Variants in UNC13C observed in about 807,000 individuals in gnomAD.
The protein encoded by UNC13C is protein unc-13 homolog C.
In UNC13C, 174 loss-of-function variants were observed where a neutral mutation model predicts 245.4. The ratio of observed to expected loss-of-function variants is 0.71; its 90% confidence interval spans 0.63 to 0.80. The LOEUF (loss-of-function observed/expected upper bound fraction) is 0.80. Among genes scored for constraint, UNC13C ranks in the 30% least tolerant of loss-of-function variants. UNC13C has a pLI of 0.00. For synonymous variants in UNC13C, 992 were observed against 895.1 expected (o/e 1.11, Z -1.93); for missense variants, 2,829 against 2,602.9 (o/e 1.09, Z -1.89).
intron 2 of UNC13C, among the ~76,000 whole-genome samples, chr15:54,088,201 CTTTTT>C (rs59075201): frequency 4.0e-4 from 42 of 103,922 alleles, no homozygotes; most frequent in Non-Finnish European, 7.4e-4. Context: ...CTTCCTTTTC[CTTTTT>C]TTTTTTTTTT....
At chr15:54,614,390 C>CTCTT (rs1022819318) in intron 30 of UNC13C, among the ~76,000 whole-genome samples, 7 of 151,870 alleles carry the variant, frequency 4.6e-5, no homozygotes, top group Admixed American at 1.3e-4. Context: ...GAATTTGAAT[C>CTCTT]TCTTTGAATC....
chr15:53,923,937 T>C, the UNC13C span, among the ~76,000 whole-genome samples: 2 of 152,240 alleles, frequency 1.3e-5, no homozygotes, highest in African/African-American at 4.8e-5. Flanking sequence ...CTGGGCGCGG[T>C]GGCTCGCGCC....
intron 17 of UNC13C, among the ~76,000 whole-genome samples, chr15:54,357,297 G>A (rs1427698835): frequency 1.3e-5 from 2 of 151,958 alleles, no homozygotes; most frequent in East Asian, 3.8e-4. Flanking sequence ...TAATTATGAA[G>A]TATAGAGCAG....
At chr15:54,017,843 G>A (rs1462430204) in intron 2 of UNC13C, among the ~76,000 whole-genome samples, 1 of 152,150 alleles carries the variant, frequency 6.6e-6, no homozygotes, top group Non-Finnish European at 1.5e-5. Flanking sequence ...ACCTGCATAT[G>A]AGGCCTGGCT....
intron 30 of UNC13C, among the ~76,000 whole-genome samples, chr15:54,619,184 G>A (rs965958484): frequency 5.3e-5 from 8 of 152,044 alleles, no homozygotes; most frequent in Non-Finnish European, 4.4e-5. Flanking sequence ...CCTTAAATGT[G>A]AGCCTTTCTC....
the UNC13C span, among the ~76,000 whole-genome samples, chr15:53,885,678 G>A: frequency 6.6e-6 from 1 of 152,140 alleles, no homozygotes; most frequent in African/African-American, 2.4e-5. Flanking sequence ...GTCCTTATAG[G>A]AGAATCGATC....
intron 2 of UNC13C, among the ~76,000 whole-genome samples, chr15:54,075,054 A>G (rs1456604604): frequency 2.0e-5 from 3 of 152,192 alleles, no homozygotes; most frequent in Non-Finnish European, 4.4e-5. Context: ...GTGCTCCAAC[A>G]TTTACTATGG....
At chr15:54,562,770 C>T (rs1393043814) in intron 29 of UNC13C, among the ~76,000 whole-genome samples, 1 of 152,038 alleles carries the variant, frequency 6.6e-6, no homozygotes, top group East Asian at 1.9e-4. Flanking sequence ...GAATAACATG[C>T]CTTGTAGACC....
At chr15:54,346,969 T>C (rs1298855064) in intron 17 of UNC13C, among the ~76,000 whole-genome samples, 3 of 152,226 alleles carry the variant, frequency 2.0e-5, no homozygotes, top group East Asian at 3.8e-4. Flanking sequence ...GAAAGTGTTT[T>C]AGTTTATACT....
the UNC13C span, among the ~76,000 whole-genome samples, chr15:53,929,409 A>C: frequency 6.6e-6 from 1 of 152,166 alleles, no homozygotes; most frequent in Admixed American, 6.5e-5. Context: ...ACTAAGAAAA[A>C]ATGATATCAC....
At chr15:54,209,998 C>T (rs1170363858) in intron 4 of UNC13C, among the ~76,000 whole-genome samples, 3 of 151,804 alleles carry the variant, frequency 2.0e-5, no homozygotes, top group African/African-American at 4.8e-5. Context: ...TCAATTTTCT[C>T]TAACTATATT....
At chr15:54,351,422 A>AAAGAACTACAGTATGTAAAAAATCTGTTT (rs1281475405) in intron 17 of UNC13C, among the ~76,000 whole-genome samples, 1 of 152,190 alleles carries the variant, frequency 6.6e-6, no homozygotes, top group Admixed American at 6.5e-5. Context: ...TAAACTGTGA[A>AAAGAACTACAGTATGTAAAAAATCTGTTT]AAGAACTACA....
chr15:53,985,526 G>A, intron 1 of UNC13C, among the ~76,000 whole-genome samples: 1 of 151,906 alleles, frequency 6.6e-6, no homozygotes, highest in East Asian at 1.9e-4. Flanking sequence ...GGAACAAGAA[G>A]AGAGATTAGA....
intron 19 of UNC13C, among the ~76,000 whole-genome samples, chr15:54,461,055 A>C (rs1004482682): frequency 1.3e-5 from 2 of 151,454 alleles, no homozygotes; most frequent in African/African-American, 4.8e-5. Context: ...TTGGTCTTCA[A>C]TCAGTATGTT....
the UNC13C span, among the ~76,000 whole-genome samples, chr15:53,959,037 A>G: frequency 6.6e-6 from 1 of 152,134 alleles, no homozygotes; most frequent in African/African-American, 2.4e-5. Flanking sequence ...TATAGGCGAG[A>G]ATGTGAAATA....
chr15:54,340,281 T>C (rs906019561), intron 17 of UNC13C, among the ~76,000 whole-genome samples: 6 of 152,222 alleles, frequency 3.9e-5, no homozygotes, highest in African/African-American at 1.4e-4. Flanking sequence ...AGAAGCTCTT[T>C]AGTTTAATTA....
chr15:54,037,865 A>G (rs1177320954), intron 2 of UNC13C, among the ~76,000 whole-genome samples: 1 of 150,858 alleles, frequency 6.6e-6, no homozygotes, highest in Non-Finnish European at 1.5e-5. Context: ...ATATTTGTAT[A>G]GTATATAAAA....
rs1321378375 is a variant in UNC13C at position 54,349,618 on chromosome 15, A to T, written c.4713+11129A>T. ...ATGAATGCAAAAATGGTTCAACAAT[A>T]CCAAAAAAAGATCAATTATAAATTT... On this transcript the variant is annotated intron_variant, in intron 17 of 32. Transcript: ENST00000260323. 3.9e-5 allele frequency among the ~76,000 whole-genome samples: 6 copies of T among 152,218 alleles called. No homozygotes were observed. In the East Asian group the frequency reaches 1.2e-3, roughly 29 times the overall value.
intron 30 of UNC13C, among the ~76,000 whole-genome samples, chr15:54,569,360 C>T (rs943265021): frequency 6.6e-6 from 1 of 151,962 alleles, no homozygotes; most frequent in Non-Finnish European, 1.5e-5. Context: ...TATGCACATC[C>T]TCCCATATAT....
Sources: allele counts gnomAD v4.1 joint callset (sites outside exome capture counted in the v4.1 genomes callset), GRCh38; gene constraint gnomAD v4.1.1; transcripts MANE v1.5; gene names NCBI Gene and HGNC (gene_info 2026-07-23, HGNC 2026-07-21).